Variants in WWOX observed in about 807,000 individuals in gnomAD.
WWOX encodes the protein WW domain containing oxidoreductase.
In WWOX, 69 loss-of-function variants were observed where a neutral mutation model predicts 46.2. The ratio of observed to expected loss-of-function variants is 1.49; its 90% CI spans 1.23 to 1.82. WWOX has a LOEUF of 1.82. Ranked by LOEUF, WWOX falls within the 40% of genes most tolerant of loss-of-function variation. The pLI is 0.00. For synonymous variants in WWOX, 359 were observed against 202.6 expected (o/e 1.77, Z -6.56); for missense variants, 919 against 542.6 (o/e 1.69, Z -6.89).
chr16:78,218,625 C>T (rs2036797199), intron 5 of WWOX, among the ~76,000 whole-genome samples: 1 of 152,128 alleles, frequency 6.6e-6, no homozygotes, highest in Non-Finnish European at 1.5e-5. Flanking sequence ...TAATGACAGG[C>T]ACATCAAGGT....
chr16:78,892,607 T>G (rs2044615063), intron 8 of WWOX, among the ~76,000 whole-genome samples: 2 of 152,218 alleles, frequency 1.3e-5, no homozygotes, highest in Admixed American at 1.3e-4. Flanking sequence ...CTGTGTTATC[T>G]ACTGAGATTC....
At chr16:79,207,624 T>A (rs924431898) in intron 8 of WWOX, among the ~76,000 whole-genome samples, 3 of 152,222 alleles carry the variant, frequency 2.0e-5, no homozygotes, top group Admixed American at 6.5e-5. Context: ...TTTTTATATA[T>A]CTCATAGTTA....
chr16:79,127,711 C>G (rs937813443), intron 8 of WWOX, among the ~76,000 whole-genome samples: 10 of 152,008 alleles, frequency 6.6e-5, no homozygotes, highest in African/African-American at 1.7e-4. Context: ...GGAGGTTGTT[C>G]TGATTTACAT....
At position 78,144,450 on chromosome 16, in the gene WWOX, C is replaced by CATATATAT. The variant is rs1555543045; in HGVS notation, c.410-19727_410-19720dup. On this transcript the variant is annotated intron_variant, in intron 4 of 8. Transcript: ENST00000566780. ...ATTACTATATATATATATATATACA[C>CATATATAT]ATATATATATATACACACATATATA... Among the ~76,000 whole-genome samples the CATATATAT allele has an allele frequency of 3.4e-3, 85 of 24,934 alleles. 10 individuals are homozygous for CATATATAT. The highest frequency in any genetic ancestry group is 0.033 in the Middle Eastern group (1 of 30). The allele number at this position is 24,934 out of a possible 152,430, so 16.4% of individuals were successfully genotyped here. A position where few individuals can be genotyped will look rare whatever the true frequency, so the allele number is the denominator to read the frequency against.
At chr16:78,927,913 C>A (rs1373786843) in intron 8 of WWOX, among the ~76,000 whole-genome samples, 1 of 152,066 alleles carries the variant, frequency 6.6e-6, no homozygotes, top group Non-Finnish European at 1.5e-5. Context: ...TATTCCTAGC[C>A]ATTCCTTTTG....
At chr16:78,766,892 C>T (rs905422686) in intron 8 of WWOX, among the ~76,000 whole-genome samples, 1 of 152,136 alleles carries the variant, frequency 6.6e-6, no homozygotes, top group African/African-American at 2.4e-5. Context: ...ATTACCTATA[C>T]CTAAAATATT....
intron 6 of WWOX, among the ~76,000 whole-genome samples, chr16:78,419,646 A>AAAAAAAAAAT: frequency 6.7e-6 from 1 of 150,186 alleles, no homozygotes; most frequent in Non-Finnish European, 1.5e-5. Context: ...AAAAAAAAAA[A>AAAAAAAAAAT]AAAAGGGTCA....
intron 8 of WWOX, among the ~76,000 whole-genome samples, chr16:78,594,725 C>T (rs536955220): frequency 1.3e-5 from 2 of 152,146 alleles, no homozygotes; most frequent in East Asian, 3.9e-4. Context: ...TTTTATAACT[C>T]ATAGGCTACC....
intron 8 of WWOX, among the ~76,000 whole-genome samples, chr16:78,533,144 A>T (rs768477036): frequency 4.0e-5 from 6 of 151,880 alleles, no homozygotes; most frequent in Non-Finnish European, 7.4e-5. Flanking sequence ...AACCAACCAA[A>T]GGTTGGAGCT....
At chr16:78,850,640 A>G (rs1281870937) in intron 8 of WWOX, among the ~76,000 whole-genome samples, 2 of 152,060 alleles carry the variant, frequency 1.3e-5, no homozygotes, top group African/African-American at 4.8e-5. Flanking sequence ...CTTGTTCACC[A>G]TTGTTGAAGC....
intron 8 of WWOX, among the ~76,000 whole-genome samples, chr16:78,605,544 G>C (rs183289110): frequency 3.3e-5 from 5 of 152,060 alleles, no homozygotes; most frequent in East Asian, 3.9e-4. Flanking sequence ...CTGAAGAATG[G>C]AAAATATGCC....
intron 1 of WWOX, among the ~76,000 whole-genome samples, chr16:78,106,480 G>A (rs923397556): frequency 1.5e-5 from 2 of 137,322 alleles, no homozygotes; most frequent in Admixed American, 1.6e-4. Flanking sequence ...TGGAGTGCAC[G>A]ATCTCAGCTC....
rs369379648 is a variant in WWOX at position 79,211,842 on chromosome 16, C to T, written c.*46C>T. 6.5e-4 allele frequency: 1,046 copies of T among 1,611,258 alleles called. No homozygotes were observed. Among genetic ancestry groups the T allele is most frequent in the Non-Finnish European group, 8.3e-4 (982 of 1,179,222 alleles). ...GCACACACACCCGCCCTGTGTGTGT[C>T]CCCTCACGCAAGTGCCAGGGCTGGG... On this transcript the variant is annotated 3_prime_UTR_variant, in exon 9 of 9. Transcript: ENST00000566780.
chr16:78,675,460 T>C (rs1015770098), intron 8 of WWOX, among the ~76,000 whole-genome samples: 1 of 152,214 alleles, frequency 6.6e-6, no homozygotes, highest in Non-Finnish European at 1.5e-5. Flanking sequence ...AACAAATACT[T>C]TTATGGGCCT....
chr16:78,602,736 G>A (rs2045651582), intron 8 of WWOX, among the ~76,000 whole-genome samples: 1 of 152,164 alleles, frequency 6.6e-6, no homozygotes, highest in Non-Finnish European at 1.5e-5. Context: ...TCCATTTACT[G>A]TATGCTGGGC....
intron 8 of WWOX, among the ~76,000 whole-genome samples, chr16:78,727,437 C>T (rs1474862382): frequency 6.6e-6 from 1 of 152,116 alleles, no homozygotes; most frequent in Non-Finnish European, 1.5e-5. Flanking sequence ...TGACACTGTC[C>T]TCTGGTCCTG....
chr16:78,654,163 G>C (rs979595757), intron 8 of WWOX, among the ~76,000 whole-genome samples: 5 of 152,220 alleles, frequency 3.3e-5, no homozygotes, highest in South Asian at 2.1e-4. Flanking sequence ...GAATCAGAAA[G>C]TGTGAGTTCA....
rs145144565 is a variant in WWOX, at chr16:78,773,284, A to G, written c.1056+340532A>G. 2.6e-5 allele frequency among the ~76,000 whole-genome samples: 4 copies of G among 152,158 alleles called. No individual in the cohort carries two copies. The East Asian group carries it at 5.8e-4, about 22-fold the overall frequency. ...CACACCCCATGTTCCTTCTACTACA[A>G]CTTCTGGCTCTGGCTTCTGGACTGT... On this transcript the variant is annotated intron_variant, in intron 8 of 8. Coordinates refer to ENST00000566780, the MANE Select transcript of WWOX (RefSeq NM_016373.4).
chr16:78,251,525 A>G (rs187321310), intron 5 of WWOX, among the ~76,000 whole-genome samples: 3 of 152,346 alleles, frequency 2.0e-5, no homozygotes, highest in African/African-American at 7.2e-5. Context: ...AGCAGCACCA[A>G]TAAATAGATA....
Sources: allele counts gnomAD v4.1 joint callset (sites outside exome capture counted in the v4.1 genomes callset), GRCh38; gene constraint gnomAD v4.1.1; transcripts MANE v1.5; gene names NCBI Gene and HGNC (gene_info 2026-07-23, HGNC 2026-07-21).